The following HPSE2 variants were observed in gnomAD, a reference collection of about 807,000 sequenced individuals.
HPSE2 encodes the protein heparanase 2 (inactive).
A neutral mutation model predicts 60.5 loss-of-function variants in HPSE2; 38 were observed. That is an observed-to-expected ratio of 0.63 (90% CI 0.48 to 0.82). The LOEUF is 0.82. Among genes scored for constraint, HPSE2 ranks in the 40% least tolerant of loss-of-function variants. The pLI, the probability that HPSE2 is intolerant of heterozygous loss-of-function variation, is 0.00. For synonymous variants in HPSE2, 295 were observed against 293.2 expected, an observed-to-expected ratio of 1.01 and a Z score of -0.06; for missense variants, 713 against 740.4, an observed-to-expected ratio of 0.96 and a Z score of 0.43.
intron 5 of HPSE2, among the ~76,000 whole-genome samples, chr10:98,694,309 C>T (rs1948155290): frequency 6.6e-6 from 1 of 152,180 alleles, no homozygotes; most frequent in Admixed American, 6.5e-5. Flanking sequence ...CCAATCTCTG[C>T]TAGGAAACAA....
At chr10:99,004,212 T>C (rs528292968) in intron 3 of HPSE2, among the ~76,000 whole-genome samples, 25 of 152,202 alleles carry the variant, frequency 1.6e-4, no homozygotes, top group African/African-American at 6.0e-4. Flanking sequence ...CCTCTATGTA[T>C]TTTAATAGAA....
chr10:99,023,211 G>A (rs1957302338), intron 3 of HPSE2, among the ~76,000 whole-genome samples: 1 of 152,186 alleles, frequency 6.6e-6, no homozygotes, highest in Admixed American at 6.5e-5. Flanking sequence ...AAGTCTGGCA[G>A]TATTCCTTGT....
chr10:98,638,401 C>T lies in HPSE2; in HGVS notation c.1098+3446G>A, dbSNP rs559320957. 5.4e-4 allele frequency among the ~76,000 whole-genome samples: 79 copies of T among 146,564 alleles called. 1 individual carries two copies. The highest frequency in any genetic ancestry group is 1.8e-3 in the African/African-American group (73 of 39,644). ...CGGAGCTTGCAGTGAGCTGAGATTGCGCCACTGCACTCCAACCTGGGTGAC... is the reference window on the plus strand; with the variant it reads ...CGGAGCTTGCAGTGAGCTGAGATTGTGCCACTGCACTCCAACCTGGGTGAC... On this transcript the variant is annotated intron_variant, in intron 7 of 11. Transcript: ENST00000370552.
intron 2 of HPSE2, among the ~76,000 whole-genome samples, chr10:99,153,009 G>A (rs565880547): frequency 2.0e-5 from 3 of 152,310 alleles, no homozygotes; most frequent in Non-Finnish European, 4.4e-5. Context: ...CTGGAAAATC[G>A]GGTCAATCCC....
At chr10:99,307,864 ACAC>A in the HPSE2 span, among the ~76,000 whole-genome samples, 116 of 151,774 alleles carry the variant, frequency 7.6e-4, no homozygotes, top group African/African-American at 2.6e-3. Flanking sequence ...ACACACACAC[ACAC>A]AAATGGCTAC....
chr10:99,154,650 G>A (rs1354461637), intron 2 of HPSE2, among the ~76,000 whole-genome samples: 1 of 151,766 alleles, frequency 6.6e-6, no homozygotes, highest in East Asian at 1.9e-4. Flanking sequence ...GCAAAATCAT[G>A]CCAAAATATA....
At chr10:99,033,409 T>G (rs1957541486) in intron 3 of HPSE2, among the ~76,000 whole-genome samples, 1 of 152,140 alleles carries the variant, frequency 6.6e-6, no homozygotes, top group African/African-American at 2.4e-5. Flanking sequence ...GCATATGACA[T>G]GACATTCAAC....
At chr10:99,111,505 A>C (rs890527806) in intron 3 of HPSE2, among the ~76,000 whole-genome samples, 7 of 152,164 alleles carry the variant, frequency 4.6e-5, no homozygotes, top group African/African-American at 1.7e-4. Flanking sequence ...TAAGGAGAAG[A>C]GAGAAATGAA....
At chr10:98,525,220 A>G (rs1440940981) in intron 9 of HPSE2, among the ~76,000 whole-genome samples, 2 of 152,194 alleles carry the variant, frequency 1.3e-5, no homozygotes, top group African/African-American at 4.8e-5. Flanking sequence ...TATGTTGCCC[A>G]GTCTGGTCTG....
the HPSE2 span, among the ~76,000 whole-genome samples, chr10:99,245,905 A>G: frequency 1.3e-5 from 2 of 152,238 alleles, no homozygotes; most frequent in Non-Finnish European, 2.9e-5. Context: ...GGAAATAGAT[A>G]GGTAAAATGA....
At chr10:98,469,532 C>T (rs1289588173) in intron 11 of HPSE2, among the ~76,000 whole-genome samples, 2 of 152,166 alleles carry the variant, frequency 1.3e-5, no homozygotes, top group Non-Finnish European at 2.9e-5. Context: ...TACTCCTTGT[C>T]TTCTAAGAAA....
chr10:98,622,235 G>A (rs1000428653), intron 7 of HPSE2, among the ~76,000 whole-genome samples: 5 of 152,054 alleles, frequency 3.3e-5, no homozygotes, highest in African/African-American at 1.2e-4. Flanking sequence ...CACTGAGTGA[G>A]ATTTATGGCA....
chr10:98,959,532 C>T (rs937378927), intron 3 of HPSE2, among the ~76,000 whole-genome samples: 2 of 152,002 alleles, frequency 1.3e-5, no homozygotes. Context: ...ACTGTTTGTG[C>T]CCAAAACGTT....
At chr10:99,311,903 A>G in the HPSE2 span, among the ~76,000 whole-genome samples, 5 of 152,250 alleles carry the variant, frequency 3.3e-5, no homozygotes, top group Admixed American at 3.3e-4. Flanking sequence ...GAACACACAA[A>G]TGATAAGAAA....
At chr10:98,669,837 T>C (rs1315178756) in intron 6 of HPSE2, among the ~76,000 whole-genome samples, 2 of 152,100 alleles carry the variant, frequency 1.3e-5, no homozygotes, top group Admixed American at 6.6e-5. Context: ...CATCACATAA[T>C]ACACCCATGT....
chr10:98,945,872 C>T (rs1332597950), intron 3 of HPSE2, among the ~76,000 whole-genome samples: 15 of 152,048 alleles, frequency 9.9e-5, no homozygotes, highest in African/African-American at 3.4e-4. Flanking sequence ...TTCATTGTTC[C>T]CATTCCTCAA....
At chr10:98,798,413 C>T (rs1950828836) in intron 3 of HPSE2, among the ~76,000 whole-genome samples, 1 of 152,112 alleles carries the variant, frequency 6.6e-6, no homozygotes, top group South Asian at 2.1e-4. Flanking sequence ...TAACAGTAAG[C>T]ACACATGAAA....
chr10:98,465,612 G>A (rs746897117), intron 11 of HPSE2, among the ~76,000 whole-genome samples: 1 of 152,192 alleles, frequency 6.6e-6, no homozygotes, highest in South Asian at 2.1e-4. Context: ...TCAAATTCTG[G>A]CTTCCTGACC....
At position 98,908,881 on chromosome 10, in the gene HPSE2, C is replaced by T. The variant is rs547961929; in HGVS notation, c.611-164825G>A. 3.3e-5 allele frequency among the ~76,000 whole-genome samples: 5 copies of T among 152,166 alleles called. No homozygotes were observed. The South Asian group carries it at 8.3e-4, about 25-fold the overall frequency. Reference sequence around the variant, plus strand: ...TTCCTCCAAGCCATTTCATTTTCCTCCTGTCACAGAAAGACACATTCCTGC... The same window carrying T: ...TTCCTCCAAGCCATTTCATTTTCCTTCTGTCACAGAAAGACACATTCCTGC... On this transcript the variant is annotated intron_variant, in intron 3 of 11. Coordinates refer to ENST00000370552, the MANE Select transcript of HPSE2 (RefSeq NM_021828.5).
Sources: allele counts gnomAD v4.1 joint callset (sites outside exome capture counted in the v4.1 genomes callset), GRCh38; gene constraint gnomAD v4.1.1; transcripts MANE v1.5; gene names NCBI Gene and HGNC (gene_info 2026-07-23, HGNC 2026-07-21).